AAK1: variants seen among roughly 807,000 people sequenced by gnomAD.
AAK1 encodes the protein AP2 associated kinase 1, also known as AP2-associated protein kinase 1.
AAK1 carries 37 observed loss-of-function variants against 116.0 expected under a neutral mutation model. The ratio of observed to expected loss-of-function variants is 0.32; its 90% CI spans 0.25 to 0.42. The LOEUF (loss-of-function observed/expected upper bound fraction) is 0.42. Ranked by LOEUF, AAK1 falls within the 10% of genes least tolerant of loss-of-function variation. The pLI is 1.00. For missense variants in AAK1, 919 were observed against 1,170.6 expected, an observed-to-expected ratio of 0.79 and a Z score of 3.14; for synonymous variants, 458 against 439.9, an observed-to-expected ratio of 1.04 and a Z score of -0.51.
chr2:69,638,885 G>A (rs530798066), intron 2 of AAK1, among the ~76,000 whole-genome samples: 302 of 152,300 alleles, frequency 2.0e-3, no homozygotes, highest in Admixed American at 3.5e-3. Flanking sequence ...GTTGAGCTCT[G>A]TTAAGAGTCA....
intron 2 of AAK1, among the ~76,000 whole-genome samples, chr2:69,631,862 C>T (rs1675193456): frequency 1.3e-5 from 2 of 152,038 alleles, no homozygotes; most frequent in Admixed American, 6.6e-5. Flanking sequence ...CACCTGTGGT[C>T]CCAGATATTC....
At chr2:69,520,450 C>A (rs1220823416) in intron 11 of AAK1, among the ~76,000 whole-genome samples, 1 of 151,716 alleles carries the variant, frequency 6.6e-6, no homozygotes, top group Non-Finnish European at 1.5e-5. Context: ...CCTCTGCCTC[C>A]CAGGTTCAAG....
At chr2:69,497,395 C>G (rs960239500) in intron 16 of AAK1, among the ~76,000 whole-genome samples, 1 of 149,904 alleles carries the variant, frequency 6.7e-6, no homozygotes, top group East Asian at 2.0e-4. Flanking sequence ...CTCTGCCTCC[C>G]AGGTTCAAGC....
At chr2:69,610,221 T>C (rs762463144) in intron 2 of AAK1, among the ~76,000 whole-genome samples, 1 of 152,128 alleles carries the variant, frequency 6.6e-6, no homozygotes, top group Non-Finnish European at 1.5e-5. Context: ...GGTCAAATGA[T>C]TTTTCAGCAA....
At chr2:69,487,132 T>C (rs1187173401) in intron 17 of AAK1, among the ~76,000 whole-genome samples, 3 of 152,202 alleles carry the variant, frequency 2.0e-5, no homozygotes, top group Non-Finnish European at 4.4e-5. Flanking sequence ...TGCTTTAAAA[T>C]GTAAGGACTC....
chr2:69,586,471 C>T (rs1024730973), intron 2 of AAK1, among the ~76,000 whole-genome samples: 10 of 152,174 alleles, frequency 6.6e-5, no homozygotes, highest in African/African-American at 2.4e-4. Context: ...GGCTTAAAAA[C>T]ACAAAAGACG....
At chr2:69,478,201 T>C (rs1294657853) in intron 20 of AAK1, among the ~76,000 whole-genome samples, 1 of 152,260 alleles carries the variant, frequency 6.6e-6, no homozygotes, top group Non-Finnish European at 1.5e-5. Context: ...GTCATCACTA[T>C]GCAATAACTT....
intron 2 of AAK1, among the ~76,000 whole-genome samples, chr2:69,612,110 C>T (rs1189049851): frequency 6.6e-6 from 1 of 152,094 alleles, no homozygotes; most frequent in African/African-American, 2.4e-5. Context: ...ATGTACTGCA[C>T]GTTGTGCACA....
chr2:69,482,774 G>C lies in AAK1; in HGVS notation c.2404C>G (p.Leu802Val), dbSNP rs779554091. The change falls in exon 18 of 22, where the codon CTT becomes GTT. Residue 802 changes from leucine to valine, a missense_variant. By Grantham distance (32) the Leu-to-Val change is conservative (BLOSUM62 1). Coordinates refer to ENST00000409085, the MANE Select transcript of AAK1 (RefSeq NM_014911.5). The stretch of plus-strand genomic sequence containing the variant: ...ATAGGCAAGAGGTCAGGGAGCAGAA[G>C]AGAAGTGTCAGGAGATTTGAGTCCC... Reference protein sequence around the residue: ...IEGLKSPDTSLLLPDLLPMTD... With the variant: ...IEGLKSPDTSVLLPDLLPMTD... 6.2e-7 allele frequency: 1 copy of C among 1,613,904 alleles called. No homozygotes were observed. The highest frequency in any genetic ancestry group is 8.5e-7 in the Non-Finnish European group (1 of 1,179,776).
At position 69,542,634 on chromosome 2, in the gene AAK1, G is replaced by T. The variant is rs367688452; in HGVS notation, c.423C>A (p.Arg141=). Residue 141 remains arginine, a synonymous_variant, in exon 5 of 22, where the codon CGC becomes CGA. Transcript: ENST00000409085. ...CATTCTCTGTAAAGCCTGTTTGCAG[G>T]CGCTGGTTCATCAGGTTTACCACCT... ...GGQVVNLMNQ[R]LQTGFTENEV... 1 of 1,613,916 alleles carries T rather than the reference G, an allele frequency of 6.2e-7. No homozygotes were observed.
intron 2 of AAK1, among the ~76,000 whole-genome samples, chr2:69,591,356 C>T (rs1673016983): frequency 6.6e-6 from 1 of 152,062 alleles, no homozygotes; most frequent in Non-Finnish European, 1.5e-5. Flanking sequence ...TTACCATATG[C>T]CACCAAGGTA....
chr2:69,537,917 T>A (rs1350435757), intron 5 of AAK1, among the ~76,000 whole-genome samples: 2 of 152,178 alleles, frequency 1.3e-5, no homozygotes, highest in African/African-American at 4.8e-5. Context: ...ATGGTCCCTA[T>A]ATCCAAGGTA....
chr2:69,595,008 G>A, intron 2 of AAK1: 1 of 760,832 alleles, frequency 1.3e-6, no homozygotes, highest in East Asian at 2.5e-5. Flanking sequence ...TGGGGTTGGT[G>A]CTTGCCACAC....
rs993533957 is a variant in AAK1 at position 69,462,770 on chromosome 2, T to C, written c.*13099A>G. ...TGTTTTTGAGGGCTTCACTTGATAATGACCATGGGAAGAATCTGGGGTGCA... is the reference window on the plus strand; with the variant it reads ...TGTTTTTGAGGGCTTCACTTGATAACGACCATGGGAAGAATCTGGGGTGCA... On this transcript the variant is annotated 3_prime_UTR_variant, in exon 22 of 22. Coordinates refer to ENST00000409085, the MANE Select transcript of AAK1 (RefSeq NM_014911.5). 3 of 152,146 alleles carry C rather than the reference T, an allele frequency of 2.0e-5. No individual in the cohort carries two copies. The highest frequency in any genetic ancestry group is 1.9e-4 in the East Asian group (1 of 5,198). 9.4% of individuals were successfully genotyped at this position (152,146 alleles called of 1,614,324 possible). A position where few individuals can be genotyped will look rare whatever the true frequency, so the allele number is the denominator to read the frequency against.
chr2:69,537,473 C>T lies in AAK1; in HGVS notation c.534+5050G>A, dbSNP rs149859889. Among the ~76,000 whole-genome samples the T allele has an allele frequency of 3.8e-3, 573 of 152,220 alleles. 5 individuals are homozygous for T. The highest frequency in any genetic ancestry group is 0.013 in the African/African-American group (520 of 41,528). On this transcript the variant is annotated intron_variant, in intron 5 of 21. Coordinates refer to ENST00000409085, the MANE Select transcript of AAK1 (RefSeq NM_014911.5). ...AGAGTGGCGCTGGCTCCACAAGGCC[C>T]GAAGTAGGCCTGGCCCGTGCTCTTT... is the stretch of plus-strand genomic sequence containing the variant.
At chr2:69,623,609 T>A (rs1242541340) in intron 2 of AAK1, among the ~76,000 whole-genome samples, 1 of 152,022 alleles carries the variant, frequency 6.6e-6, no homozygotes, top group Non-Finnish European at 1.5e-5. Context: ...AGGTCAGGAG[T>A]TTGAGACCAG....
At chr2:69,503,119 T>C (rs546690182) in intron 16 of AAK1, among the ~76,000 whole-genome samples, 1 of 152,306 alleles carries the variant, frequency 6.6e-6, no homozygotes, top group African/African-American at 2.4e-5. Flanking sequence ...AATGAAAACA[T>C]AACCTGAGTA....
Position 69,564,007 on chromosome 2 carries a change from C to T in AAK1, c.164-7029G>A, listed in dbSNP as rs187299911. ...AGGAGATTGAGACCGTCCTAGCTAACATGGTGAAACCCTGTCTCTACTAAA... is the reference window on the plus strand; with the variant it reads ...AGGAGATTGAGACCGTCCTAGCTAATATGGTGAAACCCTGTCTCTACTAAA... On this transcript the variant is annotated intron_variant, in intron 2 of 21. Transcript: ENST00000409085. Among the ~76,000 whole-genome samples the T allele has an allele frequency of 2.6e-5, 4 of 152,234 alleles. No individual in the cohort carries two copies. In the East Asian group the frequency reaches 7.7e-4, roughly 29 times the overall value.
intron 15 of AAK1, 30 bp downstream of exon 15, chr2:69,507,391 G>A: frequency 6.2e-7 from 1 of 1,604,268 alleles, no homozygotes; most frequent in Non-Finnish European, 8.5e-7. Flanking sequence ...CTATAATCAA[G>A]AAGCACAAAA....
Sources: allele counts gnomAD v4.1 joint callset (sites outside exome capture counted in the v4.1 genomes callset), GRCh38; gene constraint gnomAD v4.1.1; transcripts MANE v1.5; gene names NCBI Gene and HGNC (gene_info 2026-07-23, HGNC 2026-07-21).